The following MTA3 variants were observed in gnomAD, a reference collection of about 807,000 sequenced individuals.
The protein encoded by MTA3 is metastasis associated 1 family member 3, also known as metastasis-associated protein MTA3.
A neutral mutation model predicts 83.5 loss-of-function variants in MTA3; 34 were observed. That is an observed-to-expected ratio of 0.41 (90% CI 0.31 to 0.54). The LOEUF is 0.54. Among genes scored for constraint, MTA3 ranks in the 20% least tolerant of loss-of-function variants. MTA3 has a pLI of 0.33. For missense variants in MTA3, 761 were observed against 726.4 expected (o/e 1.05, Z -0.55); for synonymous variants, 303 against 252.7 (o/e 1.20, Z -1.89).
At chr2:42,522,921 T>C (rs1675490789) in intron 2 of MTA3, among the ~76,000 whole-genome samples, 1 of 150,948 alleles carries the variant, frequency 6.6e-6, no homozygotes, top group South Asian at 2.2e-4. Flanking sequence ...GTGATCTTCC[T>C]GTCTCAGCCT....
At chr2:42,748,708 G>A (rs952829108) in intron 16 of MTA3, among the ~76,000 whole-genome samples, 5 of 151,912 alleles carry the variant, frequency 3.3e-5, no homozygotes, top group African/African-American at 7.3e-5. Flanking sequence ...TTTTGATTAC[G>A]GGTTGCATTT....
chr2:42,648,319 G>C (rs1356432461), intron 6 of MTA3, among the ~76,000 whole-genome samples: 1 of 152,190 alleles, frequency 6.6e-6, no homozygotes, highest in Non-Finnish European at 1.5e-5. Context: ...TTCAAGAACA[G>C]ATGTTTAGGA....
chr2:42,517,882 GAAGAA>G (rs1231903586), intron 2 of MTA3, among the ~76,000 whole-genome samples: 2 of 110,576 alleles, frequency 1.8e-5, no homozygotes, highest in Non-Finnish European at 3.8e-5. Flanking sequence ...AAAAAAAAAA[GAAGAA>G]AAGAAAATAC....
chr2:42,704,183 T>G lies in MTA3; in HGVS notation c.1026-11T>G. On this transcript the variant is annotated splice_polypyrimidine_tract_variant and intron_variant, in intron 11 of 16. Coordinates refer to ENST00000405094, the MANE Select transcript of MTA3 (RefSeq NM_001330442.2). ...AATCATTTTATCACCTTATTTTAAT[T>G]TCATTGAAAGCAGCAAACCAAATCC... 1 of 1,612,978 alleles carries G rather than the reference T, an allele frequency of 6.2e-7. No individual in the cohort carries two copies. Among genetic ancestry groups the G allele is most frequent in the Non-Finnish European group, 8.5e-7 (1 of 1,179,324 alleles).
At chr2:42,665,250 G>T (rs1243013723) in intron 8 of MTA3, among the ~76,000 whole-genome samples, 1 of 152,160 alleles carries the variant, frequency 6.6e-6, no homozygotes, top group Non-Finnish European at 1.5e-5. Context: ...AAGTTAGCTG[G>T]ATGTGGTGGC....
chr2:42,723,802 C>G (rs1317387367), intron 16 of MTA3, among the ~76,000 whole-genome samples: 1 of 152,200 alleles, frequency 6.6e-6, no homozygotes, highest in Non-Finnish European at 1.5e-5. Context: ...TTCTGGAACT[C>G]TAAATTACTT....
intron 3 of MTA3, among the ~76,000 whole-genome samples, chr2:42,596,600 T>C (rs1172741845): frequency 3.9e-5 from 6 of 152,186 alleles, no homozygotes; most frequent in Non-Finnish European, 7.4e-5. Flanking sequence ...ATGTTAATGG[T>C]TTATATTTTT....
At chr2:42,580,735 A>G (rs987462491) in intron 3 of MTA3, among the ~76,000 whole-genome samples, 2 of 152,046 alleles carry the variant, frequency 1.3e-5, no homozygotes, top group African/African-American at 4.8e-5. Flanking sequence ...AGCTGGGATT[A>G]CAGGCATGCA....
chr2:42,590,683 C>T (rs1573102240), intron 3 of MTA3, among the ~76,000 whole-genome samples: 1 of 139,280 alleles, frequency 7.2e-6, no homozygotes, highest in Non-Finnish European at 1.5e-5. Context: ...TGCAATGGTG[C>T]GATCTCGGCT....
intron 8 of MTA3, among the ~76,000 whole-genome samples, chr2:42,678,999 A>G (rs890629265): frequency 1.7e-4 from 26 of 152,114 alleles, no homozygotes; most frequent in African/African-American, 5.3e-4. Context: ...GGCAGCATGG[A>G]TATTCTTCTC....
At chr2:42,605,337 G>T (rs1273154048) in intron 3 of MTA3, among the ~76,000 whole-genome samples, 3 of 31,740 alleles carry the variant, frequency 9.5e-5, no homozygotes, top group African/African-American at 6.2e-4. Flanking sequence ...AGTAGGGGCG[G>T]CCGGGCAGAG....
At chr2:42,577,674 T>C (rs1407673210) in intron 2 of MTA3, among the ~76,000 whole-genome samples, 3 of 151,836 alleles carry the variant, frequency 2.0e-5, no homozygotes, top group Non-Finnish European at 4.4e-5. Context: ...AGAGATGGGG[T>C]TTTACTATGT....
chr2:42,749,554 G>A (rs1328494133), intron 16 of MTA3, among the ~76,000 whole-genome samples: 11 of 151,932 alleles, frequency 7.2e-5, no homozygotes, highest in African/African-American at 2.2e-4. Flanking sequence ...TGCAACCTCC[G>A]CCTCCTGGGT....
intron 1 of MTA3, chr2:42,569,853 C>T (rs1472000799): frequency 6.6e-6 from 1 of 152,240 alleles, no homozygotes; most frequent in Non-Finnish European, 1.5e-5. Context: ...CACTTTGCCT[C>T]TTAGAAGTGA....
intron 16 of MTA3, among the ~76,000 whole-genome samples, chr2:42,726,652 A>T (rs1667842904): frequency 6.6e-6 from 1 of 152,064 alleles, no homozygotes; most frequent in African/African-American, 2.4e-5. Context: ...ATGGGAAAGG[A>T]GTCTGTGAAT....
At chr2:42,609,617 A>T (rs769126680) in intron 4 of MTA3, 33 bp downstream of exon 4, 1 of 1,568,472 alleles carries the variant, frequency 6.4e-7, no homozygotes, top group South Asian at 1.2e-5. Flanking sequence ...GGTACTCAGT[A>T]CTACGGTGAC....
chr2:42,620,055 G>A (rs1339171896), intron 4 of MTA3, among the ~76,000 whole-genome samples: 1 of 151,606 alleles, frequency 6.6e-6, no homozygotes, highest in Non-Finnish European at 1.5e-5. Context: ...CATATACAGT[G>A]GCATTTAGCA....
intron 3 of MTA3, among the ~76,000 whole-genome samples, chr2:42,599,473 C>G (rs578154546): frequency 1.3e-5 from 2 of 151,840 alleles, no homozygotes; most frequent in African/African-American, 4.8e-5. Context: ...GCGGGCGCCT[C>G]CAGCTACTCA....
intron 2 of MTA3, among the ~76,000 whole-genome samples, chr2:42,578,904 T>G (rs531329104): frequency 4.6e-5 from 7 of 152,340 alleles, no homozygotes; most frequent in Admixed American, 2.0e-4. Context: ...TATTATATGT[T>G]TGACATTCCA....
Sources: gnomAD v4.1 joint callset for allele counts (sites outside exome capture counted in the v4.1 genomes callset) on GRCh38, gnomAD v4.1.1 for gene constraint, MANE v1.5 for transcripts, NCBI Gene and HGNC (gene_info 2026-07-23, HGNC 2026-07-21) for gene names.